The following RCL1 variants were observed in gnomAD, a reference collection of about 807,000 sequenced individuals.
RCL1 encodes RNA 3'-terminal phosphate cyclase-like protein.
RCL1 carries 24 observed loss-of-function variants against 42.4 expected under a neutral mutation model. That is an observed-to-expected ratio of 0.57 (90% CI 0.41 to 0.80). The LOEUF (loss-of-function observed/expected upper bound fraction) is 0.80, where lower values mean the gene tolerates loss of function less well. Among genes scored for constraint, RCL1 ranks in the 30% least tolerant of loss-of-function variants. The pLI is 0.00. For missense variants in RCL1, 578 were observed against 467.9 expected, an observed-to-expected ratio of 1.24 and a Z score of -2.17; for synonymous variants, 228 against 177.3, an observed-to-expected ratio of 1.29 and a Z score of -2.27.
At position 4,844,560 on chromosome 9, in the gene RCL1, C is replaced by T. The variant is rs773605893; in HGVS notation, c.746C>T (p.Thr249Ile). 6.2e-7 allele frequency: 1 copy of T among 1,613,512 alleles called. No individual in the cohort carries two copies. Among genetic ancestry groups the T allele is most frequent in the Admixed American group, 1.7e-5 (1 of 59,934 alleles). The stretch of plus-strand genomic sequence containing the variant: ...TTTGGGTTGTCACTGGTTGCTGAGA[C>T]CACCAGTGGCACCTTCCTCAGTGCT... ...PGFGLSLVAETTSGTFLSAEL... is the reference protein window; with the variant it reads ...PGFGLSLVAEITSGTFLSAEL... Residue 249 changes from threonine to isoleucine, a missense_variant, in exon 7 of 9, where the codon ACC (threonine) becomes ATC (isoleucine). By Grantham distance (89) the Thr-to-Ile change is moderately conservative. Transcript: ENST00000381750.
chr9:4,841,365 T>C lies in RCL1; in HGVS notation c.710+8T>C, dbSNP rs1817319960. 1.9e-6 allele frequency: 3 copies of C among 1,607,580 alleles called. No individual in the cohort carries two copies. The highest frequency in any genetic ancestry group is 2.6e-6 in the Non-Finnish European group (3 of 1,174,516). ...AGGAGTCAACTCTGGGAAGTAAGTA[T>C]CTGTGTTTTTGAAGTCTGTTTCTGC... On this transcript the variant is annotated splice_region_variant and intron_variant, in intron 6 of 8. Coordinates refer to ENST00000381750, the MANE Select transcript of RCL1 (RefSeq NM_005772.5).
At chr9:4,856,587 A>G (rs1194655168) in intron 8 of RCL1, among the ~76,000 whole-genome samples, 1 of 152,206 alleles carries the variant, frequency 6.6e-6, no homozygotes, top group Non-Finnish European at 1.5e-5. Context: ...GGACAGTGAT[A>G]CATAAGCATT....
chr9:4,835,523 T>C (rs1180129079), intron 5 of RCL1, among the ~76,000 whole-genome samples: 2 of 152,056 alleles, frequency 1.3e-5, no homozygotes, highest in African/African-American at 4.8e-5. Context: ...TTACAGAACC[T>C]TGACAGGAAA....
intron 1 of RCL1, among the ~76,000 whole-genome samples, chr9:4,823,221 A>G (rs1000002375): frequency 6.6e-6 from 1 of 151,812 alleles, no homozygotes; most frequent in South Asian, 2.1e-4. Context: ...GTTCAGAAGA[A>G]TAGGTCTTAA....
chr9:4,801,757 C>T (rs1460256907), intron 1 of RCL1, among the ~76,000 whole-genome samples: 4 of 150,250 alleles, frequency 2.7e-5, no homozygotes, highest in African/African-American at 7.3e-5. Context: ...AGCCAATTGC[C>T]CAAGCATCAT....
chr9:4,806,732 T>C (rs1370570794), intron 1 of RCL1, among the ~76,000 whole-genome samples: 1 of 152,160 alleles, frequency 6.6e-6, no homozygotes, highest in Non-Finnish European at 1.5e-5. Flanking sequence ...AGTTTTTTTT[T>C]TGTGCTGCTT....
chr9:4,808,176 G>T (rs1816046582), intron 1 of RCL1, among the ~76,000 whole-genome samples: 1 of 151,218 alleles, frequency 6.6e-6, no homozygotes, highest in African/African-American at 2.4e-5. Flanking sequence ...TTTGTTTCTT[G>T]TTCATTTCTA....
intron 1 of RCL1, among the ~76,000 whole-genome samples, chr9:4,823,320 A>G (rs552299360): frequency 3.5e-5 from 5 of 142,216 alleles, no homozygotes; most frequent in Admixed American, 2.2e-4. Context: ...TGAAAGCTGA[A>G]TTGTTTCTAA....
At chr9:4,850,718 G>C (rs530408157) in intron 8 of RCL1, among the ~76,000 whole-genome samples, 55 of 152,208 alleles carry the variant, frequency 3.6e-4, no homozygotes, top group Non-Finnish European at 6.0e-4. Flanking sequence ...TGCTAAAATA[G>C]ACTTGGTAGT....
At chr9:4,855,306 T>A (rs76405033) in intron 8 of RCL1, among the ~76,000 whole-genome samples, 9,234 of 152,000 alleles carry the variant, frequency 0.061, 413 homozygotes, top group Non-Finnish European at 0.087. Flanking sequence ...AGCTGCTATT[T>A]GCGCTGTGTG....
chr9:4,812,418 C>T (rs1165906882), intron 1 of RCL1, among the ~76,000 whole-genome samples: 1 of 151,870 alleles, frequency 6.6e-6, no homozygotes, highest in Non-Finnish European at 1.5e-5. Flanking sequence ...TTCCCAGGAC[C>T]ATTATGTATA....
In RCL1 at chr9:4,826,982, C is replaced by T. The variant is rs1294029968; in HGVS notation, c.333C>T (p.His111=). The change falls in exon 3 of 9, where the codon CAC becomes CAT. Residue 111 remains histidine (H), a synonymous_variant. Coordinates refer to ENST00000381750, the MANE Select transcript of RCL1 (RefSeq NM_005772.5). ...TTTGCTTGGCTCCATTTATGAAGCA[C>T]CCGTTAAAAATAGTTCTACGAGGAG... ...SLLCLAPFMK[H]PLKIVLRGVT... 6.2e-7 allele frequency: 1 copy of T among 1,613,964 alleles called. No homozygotes were observed. Among genetic ancestry groups the T allele is most frequent in the Admixed American group, 1.7e-5 (1 of 60,004 alleles).
At chr9:4,854,479 C>G (rs1337589512) in intron 8 of RCL1, among the ~76,000 whole-genome samples, 1 of 152,184 alleles carries the variant, frequency 6.6e-6, no homozygotes, top group Admixed American at 6.5e-5. Context: ...GTCCCATATC[C>G]AGTGGCATAG....
chr9:4,858,747 G>A (rs902547029), intron 8 of RCL1, among the ~76,000 whole-genome samples: 5 of 100,808 alleles, frequency 5.0e-5, no homozygotes, highest in Non-Finnish European at 8.7e-5. Context: ...ATGTGCAGTC[G>A]AGATTGAGAA....
chr9:4,852,374 C>G (rs1247427662), intron 8 of RCL1, among the ~76,000 whole-genome samples: 1 of 152,146 alleles, frequency 6.6e-6, no homozygotes, highest in African/African-American at 2.4e-5. Context: ...AGGATTTATA[C>G]TTTTGGATTA....
intron 1 of RCL1, among the ~76,000 whole-genome samples, chr9:4,813,926 A>G (rs1816274043): frequency 6.6e-6 from 1 of 152,104 alleles, no homozygotes; most frequent in Non-Finnish European, 1.5e-5. Context: ...TTCTGAGCAA[A>G]CTGTCGCAAG....
chr9:4,853,160 T>G lies in RCL1; in HGVS notation c.971+3610T>G, dbSNP rs545824093. On this transcript the variant is annotated intron_variant, in intron 8 of 8. Transcript: ENST00000381750. ...TAACTTATCTGGTTTTCATCATAAC[T>G]TCATAAGGGCAAAAAAGGCAAGTAC... Among the ~76,000 whole-genome samples the G allele has an allele frequency of 1.9e-3, 292 of 152,046 alleles. 1 individual carries two copies. Among genetic ancestry groups the G allele is most frequent in the Middle Eastern group, 6.8e-3 (2 of 294 alleles).
chr9:4,793,104 G>A lies in RCL1; in HGVS notation c.13G>A (p.Ala5Thr). The A allele has an allele frequency of 1.9e-6, 3 of 1,609,432 alleles. No individual in the cohort carries two copies. Among genetic ancestry groups the A allele is most frequent in the Non-Finnish European group, 2.5e-6 (3 of 1,178,238 alleles). Residue 5 changes from alanine to threonine, a missense_variant, in exon 1 of 9, where the codon GCG (alanine) becomes ACG (threonine). Transcript: ENST00000381750. ...GGAGAGCGCGCACATGGCGACTCAG[G>A]CGCACTCCCTCAGCTACGCAGGGTG... Reference protein sequence around the residue: MATQAHSLSYAGCNF... With the variant: MATQTHSLSYAGCNF...
chr9:4,826,768 G>A (rs76350722), intron 2 of RCL1, 90 bp from the exon 3 acceptor site: 32,082 of 1,172,132 alleles, frequency 0.027, 829 homozygotes, highest in African/African-American at 0.1. Context: ...CCCTTGTCAG[G>A]CTTTCCCCTT....
Sources: allele counts gnomAD v4.1 joint callset (sites outside exome capture counted in the v4.1 genomes callset), GRCh38; gene constraint gnomAD v4.1.1; transcripts MANE v1.5; gene names NCBI Gene and HGNC (gene_info 2026-07-23, HGNC 2026-07-21).